The following STK38L variants were observed in gnomAD, a reference collection of about 807,000 sequenced individuals.
STK38L encodes serine/threonine kinase 38 like, also known as serine/threonine-protein kinase 38-like.
STK38L carries 28 observed loss-of-function variants against 59.7 expected under a neutral mutation model. That is an observed-to-expected ratio of 0.47 (90% confidence interval 0.35 to 0.64). The LOEUF (loss-of-function observed/expected upper bound fraction) is 0.64, where lower values mean the gene tolerates loss of function less well. Among genes scored for constraint, STK38L ranks in the 30% least tolerant of loss-of-function variants. The pLI is 0.01. For missense variants in STK38L, 314 were observed against 555.8 expected, an observed-to-expected ratio of 0.56 and a Z score of 4.37; for synonymous variants, 162 against 176.8, an observed-to-expected ratio of 0.92 and a Z score of 0.66.
chr12:27,319,840 GA>G (rs1944680196), intron 12 of STK38L, among the ~76,000 whole-genome samples: 2 of 152,134 alleles, frequency 1.3e-5, no homozygotes, highest in Non-Finnish European at 2.9e-5. Context: ...TAACTTTTAA[GA>G]ATTTGCTTAC....
At position 27,256,310 on chromosome 12, in the gene STK38L, C is replaced by T. The variant is rs986434127; in HGVS notation, c.-12+11978C>T. Reference sequence around the variant, plus strand: ...CTCTTCCAGGCTCCTTAGTGTGACACATGAGTTCCTTTTTAGTTTTCCAGC... The same window carrying T: ...CTCTTCCAGGCTCCTTAGTGTGACATATGAGTTCCTTTTTAGTTTTCCAGC... On this transcript the variant is annotated intron_variant, in intron 1 of 13. Coordinates refer to ENST00000389032, the MANE Select transcript of STK38L (RefSeq NM_015000.4). Among the ~76,000 whole-genome samples the T allele has an allele frequency of 5.2e-4, 79 of 152,206 alleles. 3 individuals carry two copies. The highest frequency in any genetic ancestry group is 5.2e-3 in the Admixed American group (79 of 15,278).
chr12:27,282,675 A>G (rs973574943), intron 1 of STK38L, among the ~76,000 whole-genome samples: 2 of 152,154 alleles, frequency 1.3e-5, no homozygotes, highest in African/African-American at 4.8e-5. Flanking sequence ...TTTATATGCA[A>G]ATGTTCTTTG....
intron 1 of STK38L, among the ~76,000 whole-genome samples, chr12:27,277,961 G>A (rs1474923414): frequency 6.6e-6 from 1 of 152,152 alleles, no homozygotes; most frequent in Non-Finnish European, 1.5e-5. Context: ...ACTGGGTGGA[G>A]TTTTTATGGA....
intron 1 of STK38L, among the ~76,000 whole-genome samples, chr12:27,275,939 A>G (rs1239868377): frequency 6.6e-6 from 1 of 152,166 alleles, no homozygotes; most frequent in Admixed American, 6.5e-5. Flanking sequence ...AACTTAGACA[A>G]GAGCACCAAG....
intron 1 of STK38L, among the ~76,000 whole-genome samples, chr12:27,267,462 G>A (rs1254603924): frequency 3.3e-5 from 5 of 152,204 alleles, no homozygotes; most frequent in African/African-American, 1.2e-4. Context: ...GGTGGCATAT[G>A]CTTATAGTCC....
intron 1 of STK38L, among the ~76,000 whole-genome samples, chr12:27,253,557 G>A (rs562848674): frequency 6.6e-6 from 1 of 152,192 alleles, no homozygotes. Context: ...AAGCTGGGCA[G>A]GTGACTGGAG....
chr12:27,259,057 GAAAT>G (rs574234766), intron 1 of STK38L, among the ~76,000 whole-genome samples: 34 of 152,276 alleles, frequency 2.2e-4, no homozygotes, highest in South Asian at 1.9e-3. Flanking sequence ...GCCAACAAAA[GAAAT>G]AAAGTTACTT....
At chr12:27,313,663 G>A (rs1256505688) in intron 6 of STK38L, among the ~76,000 whole-genome samples, 3 of 151,544 alleles carry the variant, frequency 2.0e-5, no homozygotes, top group African/African-American at 7.3e-5. Flanking sequence ...GAATACAGGC[G>A]TGAACCACTG....
At chr12:27,253,743 C>A (rs573107190) in intron 1 of STK38L, among the ~76,000 whole-genome samples, 2 of 152,036 alleles carry the variant, frequency 1.3e-5, no homozygotes, top group African/African-American at 4.8e-5. Flanking sequence ...TGTTTCAGGC[C>A]GAGAAGCCTC....
rs146398386 is a variant in STK38L at position 27,249,424 on chromosome 12, G to A, written c.-12+5092G>A. On this transcript the variant is annotated intron_variant, in intron 1 of 13. Transcript: ENST00000389032. ...ATGATTTTGGTTCACTGCAACCCCC[G>A]CCTCCTGGGTTCAAGTGATTCTCTT... 1.7e-3 allele frequency among the ~76,000 whole-genome samples: 258 copies of A among 152,222 alleles called. 3 individuals are homozygous for A. Among genetic ancestry groups the A allele is most frequent in the African/African-American group, 5.8e-3 (242 of 41,540 alleles).
At chr12:27,320,097 C>CT (rs1213502250) in intron 12 of STK38L, among the ~76,000 whole-genome samples, 14 of 152,190 alleles carry the variant, frequency 9.2e-5, no homozygotes, top group African/African-American at 3.4e-4. Context: ...CTTCCCACCT[C>CT]TAAGTTTTGC....
intron 1 of STK38L, among the ~76,000 whole-genome samples, chr12:27,250,722 C>T (rs748654492): frequency 4.4e-4 from 67 of 152,000 alleles, no homozygotes; most frequent in Non-Finnish European, 8.8e-4. Flanking sequence ...TCCTTCAGGC[C>T]GGGCGCGGTG....
At chr12:27,305,053 A>C (rs2136642914) in intron 3 of STK38L, among the ~76,000 whole-genome samples, 1 of 152,274 alleles carries the variant, frequency 6.6e-6, no homozygotes, top group South Asian at 2.1e-4. Context: ...CCTCCTAGGG[A>C]CTCGCATCAG....
rs71437332 is a variant in STK38L at position 27,274,233 on chromosome 12, C to CCAA, written c.-11-23477_-11-23476insCAA. On this transcript the variant is annotated intron_variant, in intron 1 of 13. Transcript: ENST00000389032. ...GCCTGGCAACAGAGCAAGACTCTGT[C>CCAA]AAAAAAAAAAAAAAATTGCCCTTTT... 2.5e-4 allele frequency among the ~76,000 whole-genome samples: 36 copies of CCAA among 143,288 alleles called. 1 individual carries two copies. The highest frequency in any genetic ancestry group is 2.1e-4 in the East Asian group (1 of 4,792). 94.0% of individuals were successfully genotyped at this position (143,288 alleles called of 152,430 possible). A position where few individuals can be genotyped will look rare whatever the true frequency, so the allele number is the denominator to read the frequency against.
At chr12:27,283,843 G>A (rs1943711792) in intron 1 of STK38L, among the ~76,000 whole-genome samples, 1 of 152,124 alleles carries the variant, frequency 6.6e-6, no homozygotes. Context: ...TAAGGGTCCT[G>A]AACAAGGAGT....
chr12:27,289,572 A>G (rs1279081286), intron 1 of STK38L, among the ~76,000 whole-genome samples: 1 of 152,266 alleles, frequency 6.6e-6, no homozygotes, highest in African/African-American at 2.4e-5. Context: ...CACCAACCTT[A>G]TGATTCACAG....
chr12:27,277,243 C>CT (rs1296118845), intron 1 of STK38L, among the ~76,000 whole-genome samples: 1 of 151,968 alleles, frequency 6.6e-6, no homozygotes, highest in East Asian at 1.9e-4. Context: ...ATTACTCGTA[C>CT]TTTTAAAAGT....
chr12:27,316,906 G>A (rs905421885), intron 9 of STK38L, among the ~76,000 whole-genome samples: 2 of 152,086 alleles, frequency 1.3e-5, no homozygotes, highest in African/African-American at 4.8e-5. Flanking sequence ...TGAATAATTT[G>A]CCCAAGAACA....
intron 1 of STK38L, among the ~76,000 whole-genome samples, chr12:27,276,322 T>C (rs1943536969): frequency 6.6e-6 from 1 of 152,196 alleles, no homozygotes; most frequent in East Asian, 1.9e-4. Flanking sequence ...AACTTCTAAA[T>C]ATGAGTTTCT....
Sources: allele counts gnomAD v4.1 joint callset (sites outside exome capture counted in the v4.1 genomes callset), GRCh38; gene constraint gnomAD v4.1.1; transcripts MANE v1.5; gene names NCBI Gene and HGNC (gene_info 2026-07-23, HGNC 2026-07-21).